GRB10: variants seen among roughly 807,000 people sequenced by gnomAD.
GRB10 encodes growth factor receptor-bound protein 10.
In GRB10, 20 loss-of-function variants were observed where a neutral mutation model predicts 80.9. The ratio of observed to expected loss-of-function variants is 0.25; its 90% CI spans 0.17 to 0.36. The LOEUF (loss-of-function observed/expected upper bound fraction) is 0.36, where lower values mean the gene tolerates loss of function less well. Ranked by LOEUF, GRB10 falls within the 10% of genes least tolerant of loss-of-function variation. GRB10 has a pLI of 1.00. For synonymous variants in GRB10, 291 were observed against 291.5 expected (o/e 1.00, Z 0.02); for missense variants, 548 against 747.7 (o/e 0.73, Z 3.12).
chr7:50,628,274 G>A (rs1382764068), intron 7 of GRB10, among the ~76,000 whole-genome samples: 1 of 152,214 alleles, frequency 6.6e-6, no homozygotes, highest in Non-Finnish European at 1.5e-5. Context: ...GGATCTGCAG[G>A]GTGGGTGAGA....
At chr7:50,746,972 G>A (rs953471115) in intron 3 of GRB10, among the ~76,000 whole-genome samples, 4 of 152,164 alleles carry the variant, frequency 2.6e-5, no homozygotes, top group African/African-American at 9.7e-5. Flanking sequence ...TTTCTCTTAA[G>A]CATGTCCTCC....
At chr7:50,693,708 C>T (rs548719085) in intron 5 of GRB10, among the ~76,000 whole-genome samples, 16 of 152,170 alleles carry the variant, frequency 1.1e-4, no homozygotes, top group East Asian at 1.9e-4. Context: ...GTTCTCCAGA[C>T]GGAACAAAGG....
chr7:50,742,253 ACACGCGCACG>A (rs1210841496), intron 3 of GRB10, among the ~76,000 whole-genome samples: 1 of 47,016 alleles, frequency 2.1e-5, no homozygotes, highest in African/African-American at 1.2e-4. Flanking sequence ...ATGTGTAAAC[ACACGCGCACG>A]CGCGCGCGCA....
At chr7:50,778,699 C>T (rs1393648784) in intron 2 of GRB10, among the ~76,000 whole-genome samples, 1 of 152,206 alleles carries the variant, frequency 6.6e-6, no homozygotes, top group East Asian at 1.9e-4. Context: ...AGCCAGAAGC[C>T]CCACTGGGAC....
intron 7 of GRB10, among the ~76,000 whole-genome samples, chr7:50,637,672 C>A (rs948283633): frequency 4.0e-5 from 6 of 151,286 alleles, no homozygotes; most frequent in African/African-American, 1.5e-4. Flanking sequence ...TTTCCAATGT[C>A]ATTCTTCACA....
At chr7:50,758,682 T>C (rs1023585315) in intron 2 of GRB10, among the ~76,000 whole-genome samples, 1 of 152,210 alleles carries the variant, frequency 6.6e-6, no homozygotes, top group Non-Finnish European at 1.5e-5. Context: ...AGAATACTTT[T>C]AGTTAAACAA....
intron 15 of GRB10, chr7:50,605,082 G>A: frequency 1.7e-6 from 1 of 594,776 alleles, no homozygotes; most frequent in Non-Finnish European, 3.0e-6. Context: ...AAAGCCCAGG[G>A]GACAGGGGAC....
intron 7 of GRB10, among the ~76,000 whole-genome samples, chr7:50,644,878 G>A (rs1309287098): frequency 6.6e-6 from 1 of 152,210 alleles, no homozygotes; most frequent in Non-Finnish European, 1.5e-5. Flanking sequence ...GGTATGGGAT[G>A]GGCGGACCAG....
chr7:50,735,818 G>GAT (rs1469434018), intron 3 of GRB10, among the ~76,000 whole-genome samples: 1 of 151,848 alleles, frequency 6.6e-6, no homozygotes, highest in Non-Finnish European at 1.5e-5. Flanking sequence ...ATAATATTGT[G>GAT]ATATATATAA....
chr7:50,590,810 A>G lies in GRB10; in HGVS notation c.*2142T>C, dbSNP rs2045762451. Reference sequence around the variant, plus strand: ...AACAATTCACTTCGGCAGGGAAAATACAAAAGACTACGTCAAACCAGCTAC... The same window carrying G: ...AACAATTCACTTCGGCAGGGAAAATGCAAAAGACTACGTCAAACCAGCTAC... On this transcript the variant is annotated 3_prime_UTR_variant, in exon 19 of 19. Transcript: ENST00000401949. The G allele has an allele frequency of 6.6e-6, 1 of 152,338 alleles. No homozygotes were observed. The highest frequency in any genetic ancestry group is 1.5e-5 in the Non-Finnish European group (1 of 68,052). The allele number at this position is 152,338 out of a possible 1,614,324, so 9.4% of individuals were successfully genotyped here. A position where few individuals can be genotyped will look rare whatever the true frequency, so the allele number is the denominator to read the frequency against.
intron 8 of GRB10, among the ~76,000 whole-genome samples, chr7:50,624,907 C>CT (rs144882432): frequency 6.6e-6 from 1 of 151,500 alleles, no homozygotes; most frequent in Non-Finnish European, 1.5e-5. Flanking sequence ...TTCCCTTTCC[C>CT]TTTTTTTCCT....
chr7:50,662,698 C>T (rs1042563226), intron 7 of GRB10, among the ~76,000 whole-genome samples: 6 of 152,344 alleles, frequency 3.9e-5, no homozygotes, highest in African/African-American at 1.4e-4. Context: ...TGAAAATAGT[C>T]TCTCCCTTGC....
At chr7:50,766,888 T>C (rs936429393) in intron 2 of GRB10, among the ~76,000 whole-genome samples, 1 of 152,116 alleles carries the variant, frequency 6.6e-6, no homozygotes, top group African/African-American at 2.4e-5. Flanking sequence ...TAAACATGAA[T>C]AAGGAAAACC....
chr7:50,741,481 G>A (rs982681603), intron 3 of GRB10, among the ~76,000 whole-genome samples: 26 of 150,030 alleles, frequency 1.7e-4, no homozygotes, highest in Non-Finnish European at 3.3e-4. Flanking sequence ...GACAGGGACC[G>A]TAGGCCAATG....
intron 4 of GRB10, among the ~76,000 whole-genome samples, chr7:50,715,968 C>T (rs1398065816): frequency 3.9e-5 from 6 of 152,198 alleles, no homozygotes; most frequent in African/African-American, 1.4e-4. Context: ...GGGGAATCTC[C>T]CTTCCAGGCA....
chr7:50,656,133 G>C (rs112278172), intron 7 of GRB10, among the ~76,000 whole-genome samples: 2,997 of 152,324 alleles, frequency 0.02, 115 homozygotes, highest in African/African-American at 0.069. Context: ...ACAGAGGACA[G>C]TAAGGGCGTT....
intron 17 of GRB10, 146 bp downstream of exon 17, chr7:50,603,852 T>C (rs1013049017): frequency 6.3e-6 from 5 of 796,456 alleles, no homozygotes; most frequent in African/African-American, 5.0e-5. Context: ...GTACCACTTA[T>C]ACCTCTAGCC....
At chr7:50,728,059 A>G (rs1037149480) in intron 4 of GRB10, among the ~76,000 whole-genome samples, 1 of 152,214 alleles carries the variant, frequency 6.6e-6, no homozygotes, top group Non-Finnish European at 1.5e-5. Context: ...ATTTTAGGTA[A>G]ATGTCCTATC....
At chr7:50,630,202 TGGAA>T (rs1163307179) in intron 7 of GRB10, among the ~76,000 whole-genome samples, 1 of 152,226 alleles carries the variant, frequency 6.6e-6, no homozygotes, top group East Asian at 1.9e-4. Context: ...AATCAATGTA[TGGAA>T]GTTCTACATT....
Sources: allele counts gnomAD v4.1 joint callset (sites outside exome capture counted in the v4.1 genomes callset), GRCh38; gene constraint gnomAD v4.1.1; transcripts MANE v1.5; gene names NCBI Gene and HGNC (gene_info 2026-07-23, HGNC 2026-07-21).